The following CTCFL variants were observed in gnomAD, a reference collection of about 807,000 sequenced individuals.
CTCFL encodes the protein transcriptional repressor CTCFL.
In CTCFL, 36 loss-of-function variants were observed where a neutral mutation model predicts 67.4. That is an observed-to-expected ratio of 0.53 (90% CI 0.41 to 0.71). The LOEUF (loss-of-function observed/expected upper bound fraction) is 0.71, where lower values mean the gene tolerates loss of function less well. Among genes scored for constraint, CTCFL ranks in the 30% least tolerant of loss-of-function variants. CTCFL has a pLI of 0.00. For missense variants in CTCFL, 786 were observed against 835.2 expected (o/e 0.94, Z 0.73); for synonymous variants, 324 against 302.3 (o/e 1.07, Z -0.75).
chr20:57,499,134 T>C (rs568910530), intron 10 of CTCFL, among the ~76,000 whole-genome samples: 8 of 146,136 alleles, frequency 5.5e-5, no homozygotes, highest in African/African-American at 2.0e-4. Flanking sequence ...TATAGGTGAA[T>C]GTGGATCTTA....
At chr20:57,501,837 A>G (rs945762918) in intron 10 of CTCFL, among the ~76,000 whole-genome samples, 2 of 152,128 alleles carry the variant, frequency 1.3e-5, no homozygotes, top group Admixed American at 6.5e-5. Flanking sequence ...CTCACTGGAA[A>G]TCAGTGGAAA....
rs147254483 is a variant in CTCFL, at chr20:57,523,190, C to A, written c.632G>T (p.Arg211Ile). 1.1e-4 allele frequency: 176 copies of A among 1,613,900 alleles called. No homozygotes were observed. The highest frequency in any genetic ancestry group is 1.4e-4 in the Non-Finnish European group (170 of 1,180,018). ...FFVETMSGDE[R>I]SDEIVLTVSN... ...AACTGTGAGAACAATTTCGTCACTTCTTTCATCTCCTGACATTGTTTCCAC... is the reference window on the plus strand; with the variant it reads ...AACTGTGAGAACAATTTCGTCACTTATTTCATCTCCTGACATTGTTTCCAC... Residue 211 changes from arginine (R) to isoleucine (I), a missense_variant, in exon 3 of 11, where the codon AGA (arginine) becomes ATA (isoleucine). Physicochemically the swap from Arg to Ile is moderately conservative, Grantham distance 97. Transcript: ENST00000243914.
chr20:57,518,894 G>A lies in CTCFL; in HGVS notation c.926-3C>T, dbSNP rs1027288714. 1.9e-6 allele frequency: 3 copies of A among 1,609,660 alleles called. No individual in the cohort carries two copies. Among genetic ancestry groups the A allele is most frequent in the Middle Eastern group, 1.7e-4 (1 of 6,048 alleles). On this transcript the variant is annotated splice_polypyrimidine_tract_variant and splice_region_variant and intron_variant, in intron 4 of 10. Coordinates refer to ENST00000243914, the MANE Select transcript of CTCFL (RefSeq NM_001386993.1). ...GTTACACTTGTAGGGCCTGGTTCCT[G>A]TAAAATCACATAGTTCATACTTTCA...
In CTCFL at chr20:57,499,958, G is replaced by A. The variant is rs886590303; in HGVS notation, c.1841-1257C>T. 6.1e-6 allele frequency: 6 copies of A among 986,376 alleles called. No homozygotes were observed. The African/African-American group carries it at 1.0e-4, about 17-fold the overall frequency. 61.1% of individuals were successfully genotyped at this position (986,376 alleles called of 1,614,324 possible). On this transcript the variant is annotated intron_variant, in intron 10 of 10. Coordinates refer to ENST00000243914, the MANE Select transcript of CTCFL (RefSeq NM_001386993.1). ...CCCACAGGTCCACGGCTGGGGGGTT[G>A]GGGAGCCCTGCTCTACTCATTTTCC...
At chr20:57,500,327 C>A in intron 10 of CTCFL, 2 of 471,804 alleles carry the variant, frequency 4.2e-6, no homozygotes, top group South Asian at 2.1e-5. Context: ...TGGTGGCGGG[C>A]ATCTGTAATC....
chr20:57,499,260 C>A (rs1208572307), intron 10 of CTCFL, among the ~76,000 whole-genome samples: 1 of 152,214 alleles, frequency 6.6e-6, no homozygotes, highest in Non-Finnish European at 1.5e-5. Flanking sequence ...CAGTTGCCTG[C>A]AGGACATTTG....
chr20:57,502,926 G>GGA (rs1235950294), intron 10 of CTCFL, among the ~76,000 whole-genome samples: 1 of 152,200 alleles, frequency 6.6e-6, no homozygotes, highest in Non-Finnish European at 1.5e-5. Context: ...ACAGAAGAGA[G>GGA]GAGAGAGCTA....
rs1007607053 is a variant in CTCFL at position 57,497,334 on chromosome 20, G to A, written c.*1216C>T. 3.0e-6 allele frequency: 3 copies of A among 985,248 alleles called. No individual in the cohort carries two copies. Among genetic ancestry groups the A allele is most frequent in the Non-Finnish European group, 3.6e-6 (3 of 829,808 alleles). The allele number at this position is 985,248 out of a possible 1,614,324, so 61.0% of individuals were successfully genotyped here. On this transcript the variant is annotated 3_prime_UTR_variant, in exon 11 of 11. Coordinates refer to ENST00000243914, the MANE Select transcript of CTCFL (RefSeq NM_001386993.1). The stretch of plus-strand genomic sequence containing the variant: ...TTAAATTAATTTGCTGGTACAAAGA[G>A]AATATAATGCTCTTCCTGCTGGGAA...
At chr20:57,506,282 G>T (rs996077158) in intron 9 of CTCFL, among the ~76,000 whole-genome samples, 1 of 152,232 alleles carries the variant, frequency 6.6e-6, no homozygotes, top group South Asian at 2.1e-4. Flanking sequence ...TTGGAGAAAG[G>T]TCTATTTAGA....
intron 5 of CTCFL, 104 bp from the exon 6 acceptor site, chr20:57,515,938 C>T (rs2068887798): frequency 4.7e-6 from 6 of 1,272,904 alleles, no homozygotes; most frequent in Non-Finnish European, 6.5e-6. Flanking sequence ...CATATTTTAA[C>T]ATCAGAGCAC....
intron 7 of CTCFL, chr20:57,513,836 G>C: frequency 7.8e-7 from 1 of 1,288,860 alleles, no homozygotes; most frequent in African/African-American, 1.5e-5. Context: ...ATTTTGGAAA[G>C]AGAAATAAGA....
chr20:57,507,241 G>A (rs985941385), intron 9 of CTCFL: 4 of 254,142 alleles, frequency 1.6e-5, no homozygotes, highest in African/African-American at 8.9e-5. Flanking sequence ...GCCCAGGCTG[G>A]AGGCCAGTGG....
chr20:57,499,073 C>CGGGGG lies in CTCFL; in HGVS notation c.1841-377_1841-373dup, dbSNP rs11475885. Reference sequence around the variant, plus strand: ...CATTGCCAGTGTCCCCTGAAGGTGACGGGGGGGGGGTGGGGGGGGGACACA... The same window carrying CGGGGG: ...CATTGCCAGTGTCCCCTGAAGGTGACGGGGGGGGGGGGGGGTGGGGGGGGGACACA... On this transcript the variant is annotated intron_variant, in intron 10 of 10. Coordinates refer to ENST00000243914, the MANE Select transcript of CTCFL (RefSeq NM_001386993.1). 9.6e-3 allele frequency among the ~76,000 whole-genome samples: 626 copies of CGGGGG among 65,302 alleles called. 1 individual carries two copies. The highest frequency in any genetic ancestry group is 0.015 in the Non-Finnish European group (408 of 27,984). The allele number at this position is 65,302 out of a possible 152,430, so 42.8% of individuals were successfully genotyped here.
At chr20:57,522,880 G>A (rs1408143872) in intron 3 of CTCFL, among the ~76,000 whole-genome samples, 188 bp downstream of exon 3, 2 of 152,188 alleles carry the variant, frequency 1.3e-5, no homozygotes, top group East Asian at 1.9e-4. Flanking sequence ...CAAAACGTTT[G>A]TGTGTAAAGT....
intron 9 of CTCFL, among the ~76,000 whole-genome samples, chr20:57,504,684 G>A (rs893979185): frequency 2.6e-5 from 4 of 151,904 alleles, no homozygotes; most frequent in Non-Finnish European, 5.9e-5. Flanking sequence ...GGACCTGGGG[G>A]CTGAAATCTG....
chr20:57,521,604 A>G (rs971812284), intron 3 of CTCFL, among the ~76,000 whole-genome samples: 6 of 152,242 alleles, frequency 3.9e-5, no homozygotes, highest in African/African-American at 1.4e-4. Flanking sequence ...GTGCTCAAAC[A>G]AAAAACTTGT....
chr20:57,497,467 A>G lies in CTCFL; in HGVS notation c.*1083T>C. Reference sequence around the variant, plus strand: ...TTTAGGGCTTATCAATGATCTTGAAATACAGGGGTGGAGACAGGTTGGCAG... The same window carrying G: ...TTTAGGGCTTATCAATGATCTTGAAGTACAGGGGTGGAGACAGGTTGGCAG... On this transcript the variant is annotated 3_prime_UTR_variant, in exon 11 of 11. Coordinates refer to ENST00000243914, the MANE Select transcript of CTCFL (RefSeq NM_001386993.1). 3.0e-6 allele frequency: 3 copies of G among 985,456 alleles called. No homozygotes were observed. The highest frequency in any genetic ancestry group is 3.6e-6 in the Non-Finnish European group (3 of 829,932). The allele number at this position is 985,456 out of a possible 1,614,324, so 61.0% of individuals were successfully genotyped here. A position where few individuals can be genotyped will look rare whatever the true frequency, so the allele number is the denominator to read the frequency against.
At chr20:57,524,643 GCA>G (rs1319471134) in intron 1 of CTCFL, 2 of 1,006,064 alleles carry the variant, frequency 2.0e-6, no homozygotes. Context: ...CCTGGGCCTA[GCA>G]AGTTTCAGGT....
intron 9 of CTCFL, chr20:57,507,152 G>T: frequency 1.7e-6 from 1 of 589,986 alleles, no homozygotes; most frequent in Non-Finnish European, 2.2e-6. Flanking sequence ...CTCGAGTGTG[G>T]GTGGGACTTC....
Sources: gnomAD v4.1 joint callset for allele counts (sites outside exome capture counted in the v4.1 genomes callset) on GRCh38, gnomAD v4.1.1 for gene constraint, MANE v1.5 for transcripts, NCBI Gene and HGNC (gene_info 2026-07-23, HGNC 2026-07-21) for gene names.